CSMD1: variants seen among roughly 807,000 people sequenced by gnomAD.
The protein encoded by CSMD1 is CUB and sushi domain-containing protein 1.
A neutral mutation model predicts 417.5 loss-of-function variants in CSMD1; 213 were observed. The observed-to-expected ratio is 0.51, with a 90% confidence interval of 0.46 to 0.57. CSMD1 has a LOEUF of 0.57. Among genes scored for constraint, CSMD1 ranks in the 20% least tolerant of loss-of-function variants. CSMD1 has a pLI of 0.00. For synonymous variants in CSMD1, 2,862 were observed against 1,736.8 expected (o/e 1.65, Z -16.11); for missense variants, 6,923 against 4,529.7 (o/e 1.53, Z -15.17).
intron 2 of CSMD1, among the ~76,000 whole-genome samples, chr8:4,468,248 G>A (rs949829698): frequency 6.6e-6 from 1 of 152,216 alleles, no homozygotes; most frequent in African/African-American, 2.4e-5. Context: ...AGAGCTGGCT[G>A]ACTTCTGAGA....
chr8:3,854,728 G>C (rs143909579), intron 5 of CSMD1, among the ~76,000 whole-genome samples: 116 of 147,130 alleles, frequency 7.9e-4, no homozygotes, highest in African/African-American at 2.9e-3. Flanking sequence ...AAATGAGTAA[G>C]AGAAACTCCA....
chr8:3,574,871 G>A, intron 10 of CSMD1, 74 bp downstream of exon 10: 2 of 1,499,252 alleles, frequency 1.3e-6, no homozygotes, highest in Non-Finnish European at 1.8e-6. Flanking sequence ...CATTTGCTGG[G>A]CTGTTTGCTT....
intron 41 of CSMD1, chr8:3,128,065 T>C (rs1259165085): frequency 1.3e-5 from 2 of 152,170 alleles, no homozygotes; most frequent in African/African-American, 4.8e-5. Flanking sequence ...CATGGCAAAA[T>C]TTTTATGAGT....
chr8:3,511,666 G>A (rs1797072941), intron 10 of CSMD1, among the ~76,000 whole-genome samples: 1 of 149,478 alleles, frequency 6.7e-6, no homozygotes, highest in African/African-American at 2.6e-5. Flanking sequence ...GCAAAGGCAG[G>A]AGAATCCCTT....
intron 5 of CSMD1, among the ~76,000 whole-genome samples, chr8:3,766,724 T>C (rs758991006): frequency 7.2e-5 from 11 of 152,158 alleles, no homozygotes; most frequent in African/African-American, 9.7e-5. Context: ...CAATTTTCTC[T>C]TGATATTATT....
chr8:3,577,295 C>G (rs532687385), intron 9 of CSMD1, among the ~76,000 whole-genome samples: 1 of 152,136 alleles, frequency 6.6e-6, no homozygotes, highest in African/African-American at 2.4e-5. Flanking sequence ...GAAGCCAGCC[C>G]GTCACCACAT....
chr8:3,419,709 A>C (rs1194448334), intron 12 of CSMD1, among the ~76,000 whole-genome samples: 2 of 152,246 alleles, frequency 1.3e-5, no homozygotes, highest in Non-Finnish European at 2.9e-5. Context: ...ACAACGTTCT[A>C]ATCAAATACC....
chr8:4,513,123 G>C (rs1396413470), intron 2 of CSMD1, among the ~76,000 whole-genome samples: 1 of 152,174 alleles, frequency 6.6e-6, no homozygotes, highest in African/African-American at 2.4e-5. Context: ...AACAGCAAGA[G>C]TGCGCTCCAA....
At chr8:3,614,623 T>C (rs1418229499) in intron 8 of CSMD1, among the ~76,000 whole-genome samples, 2 of 152,218 alleles carry the variant, frequency 1.3e-5, no homozygotes, top group Non-Finnish European at 2.9e-5. Context: ...TTCTCAGATA[T>C]GAGTTAATTT....
chr8:4,988,637 A>G (rs1205385017), intron 1 of CSMD1, among the ~76,000 whole-genome samples: 1 of 152,196 alleles, frequency 6.6e-6, no homozygotes, highest in African/African-American at 2.4e-5. Flanking sequence ...ATGGATGACA[A>G]AATCTCTCAT....
intron 7 of CSMD1, among the ~76,000 whole-genome samples, chr8:3,686,277 C>G (rs1799939624): frequency 6.6e-6 from 1 of 152,154 alleles, no homozygotes; most frequent in African/African-American, 2.4e-5. Flanking sequence ...CTAGGAAAGG[C>G]AGTGTCAAGA....
chr8:4,733,285 T>C (rs1810019299), intron 1 of CSMD1, among the ~76,000 whole-genome samples: 2 of 152,056 alleles, frequency 1.3e-5, no homozygotes, highest in Admixed American at 6.5e-5. Flanking sequence ...GAAGGAAAAA[T>C]AAATGACTAA....
At chr8:3,839,513 T>C (rs1314075567) in intron 5 of CSMD1, among the ~76,000 whole-genome samples, 2 of 67,186 alleles carry the variant, frequency 3.0e-5, no homozygotes, top group South Asian at 4.0e-4. Context: ...TATATTTATA[T>C]AGAATATAAA....
intron 3 of CSMD1, among the ~76,000 whole-genome samples, chr8:4,133,185 C>G (rs1446011419): frequency 6.6e-6 from 1 of 152,134 alleles, no homozygotes; most frequent in Non-Finnish European, 1.5e-5. Flanking sequence ...ATCTGCCCAC[C>G]TCATCCTCCC....
At chr8:4,621,833 G>A (rs927484445) in intron 2 of CSMD1, among the ~76,000 whole-genome samples, 3 of 151,848 alleles carry the variant, frequency 2.0e-5, no homozygotes, top group Non-Finnish European at 4.4e-5. Flanking sequence ...TGTACCTTAC[G>A]ACCAAGTAGG....
intron 2 of CSMD1, among the ~76,000 whole-genome samples, chr8:4,541,259 GTC>G (rs1482479169): frequency 6.6e-6 from 1 of 152,130 alleles, no homozygotes; most frequent in African/African-American, 2.4e-5. Context: ...GAGCCAGTTC[GTC>G]TCTCTCATCC....
chr8:4,228,779 G>A (rs1011200296), intron 3 of CSMD1, among the ~76,000 whole-genome samples: 3 of 151,982 alleles, frequency 2.0e-5, no homozygotes, highest in Admixed American at 6.6e-5. Context: ...TGCCTCCTGG[G>A]TTCAAAAGAT....
intron 4 of CSMD1, among the ~76,000 whole-genome samples, chr8:4,006,256 C>G (rs1442466768): frequency 6.6e-6 from 1 of 152,166 alleles, no homozygotes; most frequent in Non-Finnish European, 1.5e-5. Context: ...GGATCATTCA[C>G]CCACAGGATC....
At chr8:4,501,407 G>A (rs769678453) in intron 2 of CSMD1, among the ~76,000 whole-genome samples, 23 of 152,132 alleles carry the variant, frequency 1.5e-4, no homozygotes, top group African/African-American at 2.4e-4. Flanking sequence ...GCAATAGAAC[G>A]TAGAGCAAAG....
Sources: gnomAD v4.1 joint callset for allele counts (sites outside exome capture counted in the v4.1 genomes callset) on GRCh38, gnomAD v4.1.1 for gene constraint, MANE v1.5 for transcripts, NCBI Gene and HGNC (gene_info 2026-07-23, HGNC 2026-07-21) for gene names.